The following CASK variants were observed in gnomAD, a reference collection of about 807,000 sequenced individuals.
CASK encodes calcium/calmodulin dependent serine protein kinase.
A neutral mutation model predicts 82.9 loss-of-function variants in CASK; 4 were observed. The observed-to-expected ratio is 0.05, with a 90% CI of 0.02 to 0.11. CASK has a LOEUF of 0.11. Ranked by LOEUF, CASK falls within the 10% of genes least tolerant of loss-of-function variation. The pLI is 1.00. For synonymous variants in CASK, 259 were observed against 253.5 expected, an observed-to-expected ratio of 1.02 and a Z score of -0.20; for missense variants, 358 against 720.9, an observed-to-expected ratio of 0.50 and a Z score of 5.76.
At chrX:41,703,676 A>G (rs1449817725) in intron 5 of CASK, among the ~76,000 whole-genome samples, 1 of 112,494 alleles carries the variant, frequency 8.9e-6, no homozygotes, top group African/African-American at 3.2e-5. Flanking sequence ...TGTATACCCA[A>G]TGCCCATGTG....
intron 8 of CASK, among the ~76,000 whole-genome samples, chrX:41,648,677 G>A (rs963839824): frequency 9.0e-6 from 1 of 111,639 alleles, no homozygotes; most frequent in Non-Finnish European, 1.9e-5. Flanking sequence ...CGTGATTATC[G>A]GGGCAAGTCC....
At chrX:41,540,373 T>C in intron 22 of CASK, among the ~76,000 whole-genome samples, 1 of 112,271 alleles carries the variant, frequency 8.9e-6, no homozygotes, top group Non-Finnish European at 1.9e-5. Flanking sequence ...GGTGATAGCT[T>C]TCAACCTGGA....
intron 5 of CASK, among the ~76,000 whole-genome samples, chrX:41,733,573 C>T (rs950276259): frequency 2.8e-5 from 3 of 108,846 alleles, no homozygotes; most frequent in African/African-American, 1.0e-4. Context: ...ACAGTGAAAC[C>T]CCGTCTCTAC....
intron 21 of CASK, 85 bp from the exon 22 acceptor site, chrX:41,542,891 T>C: frequency 1.7e-6 from 1 of 589,396 alleles, no homozygotes; most frequent in East Asian, 3.6e-5. Context: ...TTGAAGAATT[T>C]ATATAAAACA....
chrX:41,530,902 AATT>A (rs1344688195), intron 25 of CASK, 102 bp downstream of exon 25: 49 of 739,841 alleles, frequency 6.6e-5, no homozygotes, highest in Non-Finnish European at 1.0e-4. Context: ...TGGTTTATGA[AATT>A]ATTATGTGAC....
At chrX:41,785,977 T>C (rs974234395) in intron 3 of CASK, among the ~76,000 whole-genome samples, 2 of 112,311 alleles carry the variant, frequency 1.8e-5, no homozygotes, top group African/African-American at 3.2e-5. Context: ...AGCTGCTCTA[T>C]GGAGAGGCCC....
At chrX:41,725,375 G>T (rs2068242973) in intron 5 of CASK, among the ~76,000 whole-genome samples, 1 of 111,255 alleles carries the variant, frequency 9.0e-6, no homozygotes, top group Admixed American at 9.6e-5. Flanking sequence ...GAGTAAAATT[G>T]CCCTGAGGGG....
chrX:41,642,655 T>C (rs2066679533), intron 8 of CASK, among the ~76,000 whole-genome samples: 1 of 112,302 alleles, frequency 8.9e-6, no homozygotes, highest in Non-Finnish European at 1.9e-5. Flanking sequence ...TAGCCCTTTG[T>C]CAGATGGGTA....
At chrX:41,615,424 C>G (rs1344106177) in intron 11 of CASK, among the ~76,000 whole-genome samples, 1 of 111,373 alleles carries the variant, frequency 9.0e-6, no homozygotes, top group Non-Finnish European at 1.9e-5. Flanking sequence ...CCCACTGAAC[C>G]CCTGACCCCA....
Position 41,739,458 on chromosome X carries a change from T to A in CASK, c.357-2A>T. The A allele has an allele frequency of 8.9e-7, 1 of 1,127,500 alleles. No individual in the cohort carries two copies. The highest frequency in any genetic ancestry group is 1.2e-6 in the Non-Finnish European group (1 of 819,217). 92.9% of individuals were successfully genotyped at this position (1,127,500 alleles called of 1,213,427 possible). ...TCCAGTATCTGTCTCATATAATGGC[T>A]GTAAAAAACAAAAGAAATCTAAAAA... On this transcript the variant is annotated splice_acceptor_variant, in intron 4 of 26. Coordinates refer to ENST00000378163, the MANE Select transcript of CASK (RefSeq NM_001367721.1). LOFTEE classifies it high-confidence loss of function.
intron 11 of CASK, among the ~76,000 whole-genome samples, chrX:41,619,304 CT>C (rs778017710): frequency 1.1e-3 from 112 of 102,752 alleles, no homozygotes; most frequent in South Asian, 1.3e-3. Flanking sequence ...TATAATCATA[CT>C]TTTTTTTTTT....
intron 1 of CASK, among the ~76,000 whole-genome samples, chrX:41,920,132 C>A (rs926363307): frequency 2.7e-5 from 3 of 111,335 alleles, no homozygotes; most frequent in African/African-American, 9.8e-5. Flanking sequence ...TTTAAAGTAC[C>A]TTAGTAAAAA....
chrX:41,527,348 T>C (rs1569285681), intron 25 of CASK, among the ~76,000 whole-genome samples: 1 of 111,421 alleles, frequency 9.0e-6, no homozygotes, highest in East Asian at 2.8e-4. Context: ...ACTGAAAGCA[T>C]GCTAGATTCA....
chrX:41,546,140 A>C (rs186033214), intron 21 of CASK, among the ~76,000 whole-genome samples: 2 of 111,034 alleles, frequency 1.8e-5, no homozygotes, highest in Admixed American at 1.9e-4. Context: ...CGCCCAGCTA[A>C]TTTTTTATAT....
At chrX:41,549,103 T>C (rs947037190) in intron 21 of CASK, among the ~76,000 whole-genome samples, 2 of 111,544 alleles carry the variant, frequency 1.8e-5, no homozygotes, top group African/African-American at 6.5e-5. Flanking sequence ...AAGGGCTAAA[T>C]TGATGTGCCT....
intron 2 of CASK, among the ~76,000 whole-genome samples, chrX:41,794,337 G>C (rs781200145): frequency 1.8e-5 from 2 of 112,080 alleles, no homozygotes; most frequent in South Asian, 7.4e-4. Flanking sequence ...CAAATTAATG[G>C]GGTTTTGTTA....
intron 19 of CASK, among the ~76,000 whole-genome samples, chrX:41,556,817 A>G (rs942663728): frequency 8.9e-6 from 1 of 112,440 alleles, no homozygotes; most frequent in Admixed American, 9.5e-5. Flanking sequence ...AGCAGTCTTG[A>G]ACTATATTTC....
intron 1 of CASK, among the ~76,000 whole-genome samples, chrX:41,902,076 A>G (rs1274454727): frequency 9.0e-6 from 1 of 111,310 alleles, no homozygotes; most frequent in Non-Finnish European, 1.9e-5. Context: ...ACCTGAGTCC[A>G]TGGATGGTGG....
rs181768096 is a variant in CASK, at chrX:41,857,003, G to A, written c.60-3776C>T. ...GCAGGAGATGAAAGACTTTTCTATT[G>A]AATATCTGACTAGCTCAGAAGAAAA... On this transcript the variant is annotated intron_variant, in intron 1 of 26. Transcript: ENST00000378163. Among the ~76,000 whole-genome samples, 4 of 110,208 alleles carry A rather than the reference G, an allele frequency of 3.6e-5. No individual in the cohort carries two copies. The East Asian group carries it at 1.1e-3, about 31-fold the overall frequency.
Sources: allele counts gnomAD v4.1 joint callset (sites outside exome capture counted in the v4.1 genomes callset), GRCh38; gene constraint gnomAD v4.1.1; transcripts MANE v1.5; gene names NCBI Gene and HGNC (gene_info 2026-07-23, HGNC 2026-07-21).